Variants in DGKI observed in about 807,000 individuals in gnomAD.
The protein encoded by DGKI is DAG kinase iota.
In DGKI, 55 loss-of-function variants were observed where a neutral mutation model predicts 147.5. The observed-to-expected ratio is 0.37, with a 90% confidence interval of 0.30 to 0.47. The LOEUF (loss-of-function observed/expected upper bound fraction) is 0.47. Ranked by LOEUF, DGKI falls within the 20% of genes least tolerant of loss-of-function variation. DGKI has a pLI of 1.00. For missense variants in DGKI, 1,007 were observed against 1,323.8 expected, an observed-to-expected ratio of 0.76 and a Z score of 3.71; for synonymous variants, 469 against 477.1, an observed-to-expected ratio of 0.98 and a Z score of 0.22.
chr7:137,782,594 C>T (rs75127001), intron 1 of DGKI, among the ~76,000 whole-genome samples: 4 of 152,266 alleles, frequency 2.6e-5, no homozygotes, highest in African/African-American at 7.2e-5. Flanking sequence ...TGAATACTAA[C>T]CAGGTATCCC....
chr7:137,843,618 G>T (rs961167948), intron 1 of DGKI, among the ~76,000 whole-genome samples: 3 of 152,024 alleles, frequency 2.0e-5, no homozygotes, highest in Admixed American at 1.3e-4. Flanking sequence ...TCCAGAAATG[G>T]TTATTTAAAG....
Position 137,389,940 on chromosome 7 carries a change from C to A in DGKI, c.*1280G>T, listed in dbSNP as rs1347621629. ...CCTGACAAATAATAGTTGAAGCATC[C>A]TTCTGAATGATCCAGGCATCCCATA... On this transcript the variant is annotated 3_prime_UTR_variant, in exon 33 of 33. Coordinates refer to ENST00000614521, the MANE Select transcript of DGKI (RefSeq NM_001321708.2). The A allele has an allele frequency of 1.3e-5, 2 of 152,148 alleles. No homozygotes were observed. The highest frequency in any genetic ancestry group is 3.9e-4 in the East Asian group (2 of 5,186). 9.4% of individuals were successfully genotyped at this position (152,148 alleles called of 1,614,324 possible). A position where few individuals can be genotyped will look rare whatever the true frequency, so the allele number is the denominator to read the frequency against.
intron 27 of DGKI, among the ~76,000 whole-genome samples, chr7:137,460,391 TC>T (rs1563031931): frequency 6.6e-6 from 1 of 152,204 alleles, no homozygotes; most frequent in Non-Finnish European, 1.5e-5. Context: ...ATATTCTATA[TC>T]AAAAATTATT....
intron 1 of DGKI, among the ~76,000 whole-genome samples, chr7:137,788,487 T>C (rs1232665916): frequency 6.6e-6 from 1 of 152,114 alleles, no homozygotes; most frequent in Non-Finnish European, 1.5e-5. Context: ...TGACTTCTCT[T>C]GATGGCTACG....
chr7:137,743,804 A>T (rs1795245969), intron 1 of DGKI, among the ~76,000 whole-genome samples: 1 of 152,042 alleles, frequency 6.6e-6, no homozygotes, highest in Admixed American at 6.5e-5. Flanking sequence ...TAACACAGTG[A>T]AACCCCGTCT....
chr7:137,511,649 G>A (rs1047366884), intron 21 of DGKI, among the ~76,000 whole-genome samples: 3 of 152,182 alleles, frequency 2.0e-5, no homozygotes, highest in Admixed American at 1.3e-4. Context: ...TTGAATGAAT[G>A]AACTCAAGGA....
chr7:137,703,677 T>C (rs1282242009), intron 1 of DGKI, among the ~76,000 whole-genome samples: 2 of 151,960 alleles, frequency 1.3e-5, no homozygotes, highest in South Asian at 2.1e-4. Flanking sequence ...ACATAGAAAA[T>C]AGACTTTACA....
chr7:137,393,589 G>A (rs1033798644), intron 32 of DGKI, among the ~76,000 whole-genome samples: 9 of 152,134 alleles, frequency 5.9e-5, no homozygotes, highest in Admixed American at 2.0e-4. Flanking sequence ...AATAACATCT[G>A]GGAAGAACAT....
chr7:137,674,584 C>T (rs1822963000), intron 3 of DGKI, among the ~76,000 whole-genome samples: 1 of 152,152 alleles, frequency 6.6e-6, no homozygotes, highest in African/African-American at 2.4e-5. Flanking sequence ...CCAGTATTTA[C>T]AATATGCACT....
chr7:137,582,205 G>A (rs1177218727), intron 14 of DGKI, among the ~76,000 whole-genome samples: 1 of 152,086 alleles, frequency 6.6e-6, no homozygotes, highest in African/African-American at 2.4e-5. Flanking sequence ...TATAGATGCT[G>A]TAATAATAGG....
In DGKI at chr7:137,656,463, T is replaced by A. The variant is rs1277971689; in HGVS notation, c.681+3A>T. On this transcript the variant is annotated splice_donor_region_variant and intron_variant, in intron 4 of 32. Transcript: ENST00000614521. The stretch of plus-strand genomic sequence containing the variant: ...AAAACTGCAGCAGGGGGCGCGCTCT[T>A]ACCTTTTCTAGCTGCTCAATGCAGG... 1 of 1,614,122 alleles carries A rather than the reference T, an allele frequency of 6.2e-7. No individual in the cohort carries two copies. The highest frequency in any genetic ancestry group is 8.5e-7 in the Non-Finnish European group (1 of 1,179,980).
chr7:137,391,736 G>C (rs1811373134), intron 32 of DGKI, among the ~76,000 whole-genome samples: 1 of 152,076 alleles, frequency 6.6e-6, no homozygotes, highest in Non-Finnish European at 1.5e-5. Context: ...AAAATAGGGA[G>C]GCAGGCATTT....
At chr7:137,667,809 T>A (rs528299531) in intron 3 of DGKI, among the ~76,000 whole-genome samples, 2 of 152,334 alleles carry the variant, frequency 1.3e-5, no homozygotes, top group African/African-American at 4.8e-5. Context: ...AGTCATTGTT[T>A]ACTCAACACT....
At position 137,706,084 on chromosome 7, in the gene DGKI, T is replaced by G. The variant is rs111805822; in HGVS notation, c.402-16082A>C. Among the ~76,000 whole-genome samples, 3 of 152,222 alleles carry G rather than the reference T, an allele frequency of 2.0e-5. No individual in the cohort carries two copies. The South Asian group carries it at 6.2e-4, about 32-fold the overall frequency. ...GAATCACCACCCAGATTAGCAAATA[T>G]TCAGAAATATTTATCTTTTTTAAAG... On this transcript the variant is annotated intron_variant, in intron 1 of 32. Coordinates refer to ENST00000614521, the MANE Select transcript of DGKI (RefSeq NM_001321708.2).
chr7:137,472,171 CAT>C (rs1208162767), intron 23 of DGKI, among the ~76,000 whole-genome samples: 2 of 116,092 alleles, frequency 1.7e-5, no homozygotes, highest in African/African-American at 3.5e-5. Context: ...TATATATACA[CAT>C]ATATATGTAT....
Position 137,523,584 on chromosome 7 carries a change from TA to T in DGKI, c.2148-1619del, listed in dbSNP as rs552599439. Among the ~76,000 whole-genome samples the T allele has an allele frequency of 1.2e-3, 182 of 152,198 alleles. 1 individual carries two copies. Among genetic ancestry groups the T allele is most frequent in the South Asian group, 2.9e-3 (14 of 4,822 alleles). ...GTTCACTGGCTTAAAAAAATCAGTATAAAACTACAGAGATGGATATTTCTGG... is the reference window on the plus strand; with the variant it reads ...GTTCACTGGCTTAAAAAAATCAGTATAAACTACAGAGATGGATATTTCTGG... On this transcript the variant is annotated intron_variant, in intron 20 of 32. Transcript: ENST00000614521.
chr7:137,533,668 G>T (rs993190291), intron 20 of DGKI, among the ~76,000 whole-genome samples: 2 of 152,138 alleles, frequency 1.3e-5, no homozygotes, highest in African/African-American at 2.4e-5. Flanking sequence ...CCTTTCTTAA[G>T]AGCAGTAAGG....
intron 27 of DGKI, chr7:137,453,224 A>T (rs1222401304): frequency 1.3e-5 from 2 of 152,208 alleles, no homozygotes; most frequent in Non-Finnish European, 2.9e-5. Context: ...GCAGATTATC[A>T]TCTCTGTGCA....
At chr7:137,660,293 A>T (rs1337339361) in intron 3 of DGKI, among the ~76,000 whole-genome samples, 1 of 152,240 alleles carries the variant, frequency 6.6e-6, no homozygotes, top group Non-Finnish European at 1.5e-5. Flanking sequence ...AGTCCATTAT[A>T]TTACACTGTT....
Sources: allele counts gnomAD v4.1 joint callset (sites outside exome capture counted in the v4.1 genomes callset), GRCh38; gene constraint gnomAD v4.1.1; transcripts MANE v1.5; gene names NCBI Gene and HGNC (gene_info 2026-07-23, HGNC 2026-07-21).